Variants in ARFGEF2 observed in about 807,000 individuals in gnomAD.
The protein encoded by ARFGEF2 is ARF guanine nucleotide exchange factor 2.
A neutral mutation model predicts 219.9 loss-of-function variants in ARFGEF2; 74 were observed. The observed-to-expected ratio is 0.34, with a 90% CI of 0.28 to 0.41. The LOEUF is 0.41. ARFGEF2 is among the 10% of genes least tolerant of loss of function. The pLI, the probability that ARFGEF2 is intolerant of heterozygous loss-of-function variation, is 1.00. For missense variants in ARFGEF2, 1,743 were observed against 2,218.3 expected (o/e 0.79, Z 4.30); for synonymous variants, 733 against 799.2 (o/e 0.92, Z 1.40).
At chr20:48,974,240 C>G (rs1162820822) in intron 12 of ARFGEF2, among the ~76,000 whole-genome samples, 2 of 149,374 alleles carry the variant, frequency 1.3e-5, no homozygotes, top group Non-Finnish European at 3.0e-5. Context: ...ATTCTCCTGC[C>G]TCAGCCTCCT....
chr20:48,980,662 G>C (rs1176509653), intron 14 of ARFGEF2, among the ~76,000 whole-genome samples: 2 of 152,142 alleles, frequency 1.3e-5, no homozygotes, highest in Non-Finnish European at 2.9e-5. Flanking sequence ...GAATCTAGGT[G>C]CTCCCGTATT....
At chr20:48,954,117 C>T (rs1282544093) in intron 6 of ARFGEF2, among the ~76,000 whole-genome samples, 2 of 152,154 alleles carry the variant, frequency 1.3e-5, no homozygotes, top group Non-Finnish European at 2.9e-5. Context: ...CACTCAGTGT[C>T]CACAGGAGGA....
At chr20:49,023,781 G>A (rs915606310) in intron 35 of ARFGEF2, among the ~76,000 whole-genome samples, 16 of 151,868 alleles carry the variant, frequency 1.1e-4, no homozygotes, top group African/African-American at 2.7e-4. Flanking sequence ...CTCGTGATCC[G>A]CCCGCCTCGG....
intron 3 of ARFGEF2, among the ~76,000 whole-genome samples, chr20:48,947,335 G>A (rs1366861645): frequency 6.6e-6 from 1 of 152,134 alleles, no homozygotes; most frequent in Admixed American, 6.5e-5. Context: ...AGGAGATGGA[G>A]GTTGCAGTGA....
At chr20:48,942,473 G>GTTTTTTT (rs58144046) in intron 3 of ARFGEF2, among the ~76,000 whole-genome samples, 2 of 73,498 alleles carry the variant, frequency 2.7e-5, no homozygotes, top group Non-Finnish European at 4.8e-5. Context: ...TTCTTACTTG[G>GTTTTTTT]TTTTTTTTTT....
chr20:48,973,430 A>G, intron 12 of ARFGEF2, 146 bp downstream of exon 12: 1 of 890,404 alleles, frequency 1.1e-6, no homozygotes, highest in Non-Finnish European at 1.8e-6. Flanking sequence ...GCCATCATGA[A>G]ACGACATTAA....
intron 37 of ARFGEF2, among the ~76,000 whole-genome samples, chr20:49,030,152 C>T (rs2091625539): frequency 6.6e-6 from 1 of 151,886 alleles, no homozygotes; most frequent in South Asian, 2.1e-4. Context: ...TCGTGATCCC[C>T]CCACCTCGGC....
rs1340283917 is a variant in ARFGEF2, at chr20:48,951,342, ACAT to A, written c.299_301del (p.Ile100del). On this transcript the variant is annotated inframe_deletion, in exon 4 of 39. Coordinates refer to ENST00000371917, the MANE Select transcript of ARFGEF2 (RefSeq NM_006420.3). Reference sequence around the variant, plus strand: ...CTTTAGAAACTCATCGCATACGGGCACATCACTGGCAACGCCCCTGACAGTGGA... The same window carrying A: ...CTTTAGAAACTCATCGCATACGGGCACACTGGCAACGCCCCTGACAGTGGA... The A allele has an allele frequency of 9.9e-6, 16 of 1,614,200 alleles. No individual in the cohort carries two copies. Among genetic ancestry groups the A allele is most frequent in the Non-Finnish European group, 1.3e-5 (15 of 1,180,034 alleles).
intron 35 of ARFGEF2, among the ~76,000 whole-genome samples, chr20:49,023,773 C>T (rs1323179785): frequency 3.3e-5 from 5 of 151,838 alleles, no homozygotes; most frequent in Admixed American, 2.0e-4. Context: ...CTCCTGACCT[C>T]GTGATCCGCC....
chr20:48,945,184 T>A (rs1271610529), intron 3 of ARFGEF2, among the ~76,000 whole-genome samples: 2 of 152,056 alleles, frequency 1.3e-5, no homozygotes, highest in Non-Finnish European at 2.9e-5. Flanking sequence ...CCTAATACCA[T>A]CACATTGCAG....
At chr20:48,984,605 C>A in intron 14 of ARFGEF2, 124 bp from the exon 15 acceptor site, 2 of 1,252,888 alleles carry the variant, frequency 1.6e-6, no homozygotes, top group Non-Finnish European at 2.3e-6. Context: ...ACAGACATGA[C>A]CTTGCTAGCT....
At chr20:49,029,453 A>C (rs550817876) in intron 37 of ARFGEF2, among the ~76,000 whole-genome samples, 1 of 152,320 alleles carries the variant, frequency 6.6e-6, no homozygotes, top group East Asian at 1.9e-4. Context: ...TATTTTAGAA[A>C]TAGGAACCAG....
intron 29 of ARFGEF2, 40 bp from the exon 30 acceptor site, chr20:49,013,788 TCTC>T: frequency 6.2e-7 from 1 of 1,614,046 alleles, no homozygotes; most frequent in Non-Finnish European, 8.5e-7. Flanking sequence ...GTTGTTCTCT[TCTC>T]CACCATTCTC....
intron 1 of ARFGEF2, among the ~76,000 whole-genome samples, chr20:48,930,191 G>A (rs141003687): frequency 6.6e-6 from 1 of 152,336 alleles, no homozygotes; most frequent in African/African-American, 2.4e-5. Flanking sequence ...GGCGGAAGGC[G>A]AGAGAGGAAA....
intron 30 of ARFGEF2, among the ~76,000 whole-genome samples, chr20:49,014,499 C>T (rs1419216755): frequency 1.3e-5 from 2 of 152,082 alleles, no homozygotes; most frequent in Non-Finnish European, 2.9e-5. Flanking sequence ...ACCATTCCTT[C>T]TCTCACCGCA....
chr20:49,029,241 T>C (rs552029085), intron 37 of ARFGEF2, among the ~76,000 whole-genome samples: 2 of 152,238 alleles, frequency 1.3e-5, no homozygotes, highest in East Asian at 3.8e-4. Context: ...GCCTGAGCTT[T>C]CTTTTCTTCC....
At chr20:48,950,909 CAG>C (rs2091066972) in intron 3 of ARFGEF2, among the ~76,000 whole-genome samples, 1 of 145,012 alleles carries the variant, frequency 6.9e-6, no homozygotes, top group African/African-American at 2.5e-5. Flanking sequence ...AGTTTATTGA[CAG>C]AGTTGTGCAA....
intron 3 of ARFGEF2, among the ~76,000 whole-genome samples, chr20:48,946,299 C>G (rs2091026124): frequency 6.6e-6 from 1 of 152,080 alleles, no homozygotes; most frequent in African/African-American, 2.4e-5. Context: ...CTGGGAGAAG[C>G]CTGGAGACTT....
chr20:48,956,115 G>C (rs1463755946), intron 6 of ARFGEF2, among the ~76,000 whole-genome samples: 3 of 152,198 alleles, frequency 2.0e-5, no homozygotes, highest in Non-Finnish European at 2.9e-5. Flanking sequence ...AAAGGCCTGA[G>C]CTCTAGTGCC....
Sources: allele counts gnomAD v4.1 joint callset (sites outside exome capture counted in the v4.1 genomes callset), GRCh38; gene constraint gnomAD v4.1.1; transcripts MANE v1.5; gene names NCBI Gene and HGNC (gene_info 2026-07-23, HGNC 2026-07-21).